Variants in SPTB observed in about 807,000 individuals in gnomAD.
The protein encoded by SPTB is spectrin beta, erythrocytic, also known as spectrin beta chain, erythrocytic.
In SPTB, 45 loss-of-function variants were observed where a neutral mutation model predicts 256.2. That is an observed-to-expected ratio of 0.18 (90% CI 0.14 to 0.23). The LOEUF (loss-of-function observed/expected upper bound fraction) is 0.23, where lower values mean the gene tolerates loss of function less well. Ranked by LOEUF, SPTB falls within the 10% of genes least tolerant of loss-of-function variation. SPTB has a pLI of 1.00. For synonymous variants in SPTB, 1,231 were observed against 1,243.1 expected, an observed-to-expected ratio of 0.99 and a Z score of 0.21; for missense variants, 2,715 against 3,040.4, an observed-to-expected ratio of 0.89 and a Z score of 2.52.
rs1001924801 is a variant in SPTB at position 64,760,967 on chromosome 14, TCA to T, written c.6345+5757_6345+5758del. Among the ~76,000 whole-genome samples, 4 of 152,224 alleles carry T rather than the reference TCA, an allele frequency of 2.6e-5. No homozygotes were observed. Among genetic ancestry groups the T allele is most frequent in the Non-Finnish European group, 5.9e-5 (4 of 68,032 alleles). ...GAGGAAAGCACCTGCCCGATGGGGT[TCA>T]CAGTCTAAATGAGATGATCCTGGCT... is the stretch of plus-strand genomic sequence containing the variant. On this transcript the variant is annotated intron_variant, in intron 32 of 35. Transcript: ENST00000644917. This position sits in a 1 kb window ranked among gnomAD's most constrained non-coding sequence, Gnocchi z 4.3.
intron 33 of SPTB, among the ~76,000 whole-genome samples, chr14:64,752,626 T>G (rs940542861): frequency 6.6e-6 from 1 of 152,236 alleles, no homozygotes; most frequent in Non-Finnish European, 1.5e-5. Flanking sequence ...ATATAATGCC[T>G]GGCACATAGT....
rs2083389646 is a variant in SPTB, at chr14:64,827,297, A to G, written c.-51-4152T>C. 6.6e-6 allele frequency among the ~76,000 whole-genome samples: 1 copy of G among 152,204 alleles called. No homozygotes were observed. The highest frequency in any genetic ancestry group is 1.5e-5 in the Non-Finnish European group (1 of 68,024). ...GAGAAGCAACAAAGCACAAAGATCT[A>G]CTTCCGAAGTGGGAAACCGGGGGAA... On this transcript the variant is annotated intron_variant, in intron 1 of 35. Coordinates refer to ENST00000644917, the MANE Select transcript of SPTB (RefSeq NM_001355436.2). The surrounding 1 kb of genome is among the most constrained non-coding windows in gnomAD (Gnocchi z 4.6).
At position 64,825,574 on chromosome 14, in the gene SPTB, C is replaced by T. The variant is rs1204366481; in HGVS notation, c.-51-2429G>A. Among the ~76,000 whole-genome samples, 1 of 152,182 alleles carries T rather than the reference C, an allele frequency of 6.6e-6. No individual in the cohort carries two copies. Among genetic ancestry groups the T allele is most frequent in the African/African-American group, 2.4e-5 (1 of 41,432 alleles). On this transcript the variant is annotated intron_variant, in intron 1 of 35. Coordinates refer to ENST00000644917, the MANE Select transcript of SPTB (RefSeq NM_001355436.2). This position sits in a 1 kb window ranked among gnomAD's most constrained non-coding sequence, Gnocchi z 4.8. ...AGGGCCACAAGCCTGTCCAGCAGCC[C>T]CTGAGAAGGGCTGAGCTGCCAGACG...
chr14:64,800,719 G>T (rs751280741), intron 8 of SPTB, 37 bp downstream of exon 8: 1 of 1,566,588 alleles, frequency 6.4e-7, no homozygotes, highest in Non-Finnish European at 8.8e-7. Flanking sequence ...TGACAAACAG[G>T]GGAAGAGTGA....
At chr14:64,872,568 T>G (rs1415769438) in intron 1 of SPTB, among the ~76,000 whole-genome samples, 1 of 152,234 alleles carries the variant, frequency 6.6e-6, no homozygotes, top group Non-Finnish European at 1.5e-5. Flanking sequence ...TCTCCAGCAC[T>G]GTGGTTAGCT....
intron 19 of SPTB, 118 bp from the exon 20 acceptor site, chr14:64,782,671 T>C (rs1594770251): frequency 2.1e-6 from 3 of 1,460,268 alleles, no homozygotes; most frequent in Non-Finnish European, 2.8e-6. Flanking sequence ...AGAATCTTCA[T>C]AGAACATGGG....
Position 64,773,352 on chromosome 14 carries a change from G to A in SPTB, c.5046C>T (p.Arg1682=), listed in dbSNP as rs1051098465. The A allele has an allele frequency of 4.3e-6, 7 of 1,614,180 alleles. No individual in the cohort carries two copies. The highest frequency in any genetic ancestry group is 1.1e-5 in the South Asian group (1 of 91,086). The change falls in exon 25 of 36, where the codon CGC becomes CGT. Residue 1682 remains arginine, a synonymous_variant. Coordinates refer to ENST00000644917, the MANE Select transcript of SPTB (RefSeq NM_001355436.2). ...GGTACATGTTCTCCAGCTTGCGCTT[G>A]CGCTCTTCCGCCACGTCCTTCAGCC... ...YAGLKDVAEE[R]KRKLENMYHL...
intron 2 of SPTB, among the ~76,000 whole-genome samples, chr14:64,820,531 C>G (rs1326686358): frequency 6.6e-6 from 1 of 152,222 alleles, no homozygotes; most frequent in Non-Finnish European, 1.5e-5. Context: ...AGTTAAGGCC[C>G]AGGCATACAA....
At chr14:64,774,290 TG>T (rs1594760992) in intron 24 of SPTB, 106 bp downstream of exon 24, 3 of 1,418,512 alleles carry the variant, frequency 2.1e-6, no homozygotes, top group Non-Finnish European at 1.9e-6. Context: ...CCCTATTTGA[TG>T]GGAAAACTCT....
chr14:64,768,821 G>T (rs1465881344), intron 29 of SPTB, among the ~76,000 whole-genome samples: 1 of 152,210 alleles, frequency 6.6e-6, no homozygotes, highest in Non-Finnish European at 1.5e-5. Flanking sequence ...GGGCACGCTG[G>T]CTAGTTAGAG....
Position 64,786,370 on chromosome 14 carries a change from G to C in SPTB, c.3561+34C>G, listed in dbSNP as rs775643950. On this transcript the variant is annotated intron_variant, in intron 16 of 35. Transcript: ENST00000644917. The surrounding 1 kb of genome is among the most constrained non-coding windows in gnomAD (Gnocchi z 5.6). ...CACCACAAGAGCTACTGCCCTGAGA[G>C]ACCCGCCTGTCCCAGCCCTGAATGC... The C allele has an allele frequency of 1.9e-6, 3 of 1,613,054 alleles. No individual in the cohort carries two copies. The highest frequency in any genetic ancestry group is 2.2e-5 in the South Asian group (2 of 91,004).
intron 22 of SPTB, among the ~76,000 whole-genome samples, chr14:64,776,689 G>A (rs538975365): frequency 1.3e-5 from 2 of 152,288 alleles, no homozygotes; most frequent in South Asian, 2.1e-4. Flanking sequence ...CGATCCACCC[G>A]CTTCGGCCTC....
chr14:64,842,818 C>T (rs1465542246), intron 1 of SPTB, among the ~76,000 whole-genome samples: 4 of 152,080 alleles, frequency 2.6e-5, no homozygotes, highest in Non-Finnish European at 5.9e-5. Context: ...GCAGTGGCTC[C>T]CAACACTTTG....
In SPTB at chr14:64,807,109, C is replaced by T. The variant is rs374418798; in HGVS notation, c.149-2019G>A. ...AGATTCAACAGAGCCAGCCACAGTC[C>T]CACAGTTTTTTCCCTAGAAACCAGA... is the stretch of plus-strand genomic sequence containing the variant. On this transcript the variant is annotated intron_variant, in intron 2 of 35. Coordinates refer to ENST00000644917, the MANE Select transcript of SPTB (RefSeq NM_001355436.2). The surrounding 1 kb of genome is among the most constrained non-coding windows in gnomAD (Gnocchi z 4.7). 6.6e-5 allele frequency among the ~76,000 whole-genome samples: 10 copies of T among 152,254 alleles called. No homozygotes were observed. The East Asian group carries it at 1.5e-3, about 23-fold the overall frequency.
In SPTB at chr14:64,827,621, C is replaced by G. The variant is rs189087; in HGVS notation, c.-51-4476G>C. Among the ~76,000 whole-genome samples the G allele has an allele frequency of 0.12, 18,299 of 152,208 alleles. 2,612 individuals are homozygous for G. Among genetic ancestry groups the G allele is most frequent in the African/African-American group, 0.34 (14,036 of 41,484 alleles). ...TCTCCCTCTGATCATAATCGCATTG[C>G]ACATTCACAGGTACCTTAAAGAATA... On this transcript the variant is annotated intron_variant, in intron 1 of 35. Transcript: ENST00000644917. This position sits in a 1 kb window ranked among gnomAD's most constrained non-coding sequence, Gnocchi z 4.6.
rs1202958779 is a variant in SPTB at position 64,786,050 on chromosome 14, G to T, written c.3562-99C>A. ...CACCACGTGCAGCCACACAGGCCAC[G>T]GTATGAATGAGCCCCCTAGAGTAGT... On this transcript the variant is annotated intron_variant, in intron 16 of 35. Coordinates refer to ENST00000644917, the MANE Select transcript of SPTB (RefSeq NM_001355436.2). The surrounding 1 kb of genome is among the most constrained non-coding windows in gnomAD (Gnocchi z 5.6). 1 of 1,230,012 alleles carries T rather than the reference G, an allele frequency of 8.1e-7. No homozygotes were observed. The highest frequency in any genetic ancestry group is 1.2e-6 in the Non-Finnish European group (1 of 844,944). The allele number at this position is 1,230,012 out of a possible 1,614,324, so 76.2% of individuals were successfully genotyped here.
rs780775844 is a variant in SPTB, at chr14:64,749,262, GTC to G, written c.*42_*43del. The G allele has an allele frequency of 4.5e-6, 7 of 1,541,004 alleles. No individual in the cohort carries two copies. The South Asian group carries it at 4.7e-5, about 10-fold the overall frequency. On this transcript the variant is annotated 3_prime_UTR_variant, in exon 36 of 36. Transcript: ENST00000644917. The surrounding 1 kb of genome is among the most constrained non-coding windows in gnomAD (Gnocchi z 4.7). ...AGGAGGCCAAGGCCTGGGCTGCCCG[GTC>G]TCTGCGCGTCCCGACTCCGCCGCGC...
At chr14:64,787,199 T>A in intron 15 of SPTB, 39 bp from the exon 16 acceptor site, 1 of 1,599,234 alleles carries the variant, frequency 6.3e-7, no homozygotes, top group Non-Finnish European at 8.5e-7. Flanking sequence ...GAGAGACACC[T>A]TCTCCCTTAG....
intron 32 of SPTB, among the ~76,000 whole-genome samples, chr14:64,763,051 C>G (rs529090720): frequency 1.3e-5 from 2 of 152,354 alleles, no homozygotes; most frequent in Admixed American, 6.5e-5. Context: ...CAGGGCTGTG[C>G]ACTAGGGACC....
Sources: gnomAD v4.1 joint callset for allele counts (sites outside exome capture counted in the v4.1 genomes callset) on GRCh38, gnomAD v4.1.1 for gene constraint, Gnocchi (gnomAD v3.1) non-coding constraint, MANE v1.5 for transcripts, NCBI Gene and HGNC (gene_info 2026-07-23, HGNC 2026-07-21) for gene names.